MYO3A: variants seen among roughly 807,000 people sequenced by gnomAD.
MYO3A encodes the protein myosin-IIIa.
MYO3A carries 180 observed loss-of-function variants against 192.7 expected under a neutral mutation model. The ratio of observed to expected loss-of-function variants is 0.93; its 90% CI spans 0.83 to 1.06. The LOEUF (loss-of-function observed/expected upper bound fraction) is 1.06. Ranked by LOEUF, MYO3A falls within the 50% of genes least tolerant of loss-of-function variation. The pLI is 0.00. For synonymous variants in MYO3A, 628 were observed against 645.3 expected (o/e 0.97, Z 0.41); for missense variants, 1,896 against 1,905.0 (o/e 1.00, Z 0.09).
intron 19 of MYO3A, 96 bp from the exon 20 acceptor site, chr10:26,128,295 T>G (rs1456315315): frequency 7.6e-7 from 1 of 1,311,062 alleles, no homozygotes; most frequent in East Asian, 2.3e-5. Context: ...TTATAGTAGT[T>G]TCTTAGCTCA....
At chr10:26,120,555 A>G (rs776695337) in intron 17 of MYO3A, 121 bp from the exon 18 acceptor site, 108 of 1,314,368 alleles carry the variant, frequency 8.2e-5, no homozygotes, top group Non-Finnish European at 1.1e-4. Context: ...TGGCGTCATC[A>G]TAGTCTGTGG....
rs954215618 is a variant in MYO3A at position 26,039,347 on chromosome 10, T to C, written c.953+12815T>C. On this transcript the variant is annotated intron_variant, in intron 10 of 34. Transcript: ENST00000642920. Reference sequence around the variant, plus strand: ...AGTGCTGGGATTACAAAATGTGTAGTTGAATTTGGTTTGGTAGTATTTTGT... The same window carrying C: ...AGTGCTGGGATTACAAAATGTGTAGCTGAATTTGGTTTGGTAGTATTTTGT... 2.6e-5 allele frequency among the ~76,000 whole-genome samples: 4 copies of C among 151,580 alleles called. No homozygotes were observed. In the East Asian group the frequency reaches 7.8e-4, roughly 29 times the overall value.
chr10:26,037,301 T>C (rs1195704809), intron 10 of MYO3A, among the ~76,000 whole-genome samples: 1 of 152,240 alleles, frequency 6.6e-6, no homozygotes, highest in Non-Finnish European at 1.5e-5. Flanking sequence ...TAAATTTATA[T>C]TATTTTGAAT....
intron 4 of MYO3A, among the ~76,000 whole-genome samples, chr10:25,958,312 T>C (rs1478246591): frequency 6.6e-6 from 1 of 152,246 alleles, no homozygotes; most frequent in Non-Finnish European, 1.5e-5. Flanking sequence ...TGCATATGGT[T>C]AGCCAGTTAT....
chr10:26,116,657 A>G (rs1423321960), intron 17 of MYO3A, among the ~76,000 whole-genome samples: 2 of 152,226 alleles, frequency 1.3e-5, no homozygotes, highest in South Asian at 2.1e-4. Context: ...GTTCAGGACT[A>G]TTCTTTGGGG....
intron 23 of MYO3A, among the ~76,000 whole-genome samples, chr10:26,150,029 C>CGTGTGT (rs35589117): frequency 0.043 from 6,406 of 149,450 alleles, 189 homozygotes; most frequent in African/African-American, 0.084. Flanking sequence ...GAATAGTATT[C>CGTGTGT]GTGTGTGTGT....
intron 20 of MYO3A, among the ~76,000 whole-genome samples, chr10:26,137,988 C>T (rs557020429): frequency 1.3e-5 from 2 of 152,254 alleles, no homozygotes; most frequent in East Asian, 3.9e-4. Flanking sequence ...TCTGCTTTTA[C>T]CCTTTGCCTT....
Position 26,125,496 on chromosome 10 carries a change from G to C in MYO3A, c.2002G>C (p.Val668Leu). The change falls in exon 19 of 35, where the codon GTA becomes CTA. Residue 668 changes from valine to leucine, a missense_variant. Val to Leu is a conservative substitution (Grantham distance 32, BLOSUM62 1). Transcript: ENST00000642920. ...AGAAACAATTATACGACCCAATACT[G>C]TAGAAAAAGCTACCGATGTCAGGGA... ...RGETIIRPNT[V>L]EKATDVRDAM... is the part of the protein sequence containing the mutation. The C allele has an allele frequency of 6.2e-7, 1 of 1,614,048 alleles. No homozygotes were observed. The highest frequency in any genetic ancestry group is 8.5e-7 in the Non-Finnish European group (1 of 1,179,942).
At chr10:25,977,205 T>C (rs1804448018) in intron 4 of MYO3A, among the ~76,000 whole-genome samples, 1 of 152,208 alleles carries the variant, frequency 6.6e-6, no homozygotes, top group African/African-American at 2.4e-5. Context: ...TATTTAGTTA[T>C]CAACAGTCTG....
chr10:26,165,743 A>T (rs1482284948), intron 26 of MYO3A: 3 of 377,804 alleles, frequency 7.9e-6, no homozygotes, highest in African/African-American at 2.0e-5. Context: ...TTTAGTGTCC[A>T]GAGAAAGGTA....
At chr10:25,988,370 A>G (rs961475332) in intron 4 of MYO3A, among the ~76,000 whole-genome samples, 7 of 152,166 alleles carry the variant, frequency 4.6e-5, no homozygotes, top group African/African-American at 1.7e-4. Flanking sequence ...AAATTTAAAA[A>G]AAATTTAAAT....
chr10:26,145,477 C>T lies in MYO3A; in HGVS notation c.2448C>T (p.Tyr816=). Residue 816 remains tyrosine (Y), a synonymous_variant, in exon 22 of 35, where the codon TAC becomes TAT. Transcript: ENST00000642920. ...TTGAAGGTAACCTGAAATCACAATA[C>T]TTCTGGAGACCCAAAAGAATGGAAC... ...EKFEGNLKSQ[Y]FWRPKRMELS... 6.2e-7 allele frequency: 1 copy of T among 1,609,706 alleles called. No homozygotes were observed. The highest frequency in any genetic ancestry group is 2.2e-5 in the East Asian group (1 of 44,790).
intron 14 of MYO3A, among the ~76,000 whole-genome samples, chr10:26,071,390 G>A (rs4378287): frequency 0.48 from 72,182 of 151,938 alleles, 17,944 homozygotes; most frequent in Middle Eastern, 0.59. Context: ...TTAACTCAAA[G>A]TGGATCATAG....
chr10:26,120,597 C>T (rs1409840813), intron 17 of MYO3A, 79 bp from the exon 18 acceptor site: 3 of 1,592,352 alleles, frequency 1.9e-6, no homozygotes, highest in Non-Finnish European at 2.6e-6. Flanking sequence ...GGTTCTCTTC[C>T]AGTCTGTCCC....
At chr10:26,117,388 C>T (rs563419923) in intron 17 of MYO3A, among the ~76,000 whole-genome samples, 5 of 152,178 alleles carry the variant, frequency 3.3e-5, no homozygotes, top group East Asian at 1.9e-4. Context: ...ACGTGTGTCA[C>T]GGGGGTTTGT....
At position 26,090,988 on chromosome 10, in the gene MYO3A, A is replaced by G. The variant is rs533245047; in HGVS notation, c.1562+2583A>G. Among the ~76,000 whole-genome samples the G allele has an allele frequency of 1.2e-4, 19 of 152,346 alleles. No homozygotes were observed. The South Asian group carries it at 3.9e-3, about 32-fold the overall frequency. On this transcript the variant is annotated intron_variant, in intron 15 of 34. Coordinates refer to ENST00000642920, the MANE Select transcript of MYO3A (RefSeq NM_017433.5). ...CCTAATGGGACACAGCCAGTCAGGG[A>G]GAGAGCAAGGGGATAACATCCCAGC... is the stretch of plus-strand genomic sequence containing the variant.
chr10:26,172,327 C>T (rs1842091093), intron 29 of MYO3A, among the ~76,000 whole-genome samples: 2 of 152,338 alleles, frequency 1.3e-5, no homozygotes, highest in Non-Finnish European at 1.5e-5. Context: ...AGGCCCAGGC[C>T]GGCAGGGCTC....
intron 14 of MYO3A, among the ~76,000 whole-genome samples, chr10:26,081,972 C>T (rs187076698): frequency 5.1e-4 from 78 of 152,276 alleles, no homozygotes; most frequent in African/African-American, 1.8e-3. Flanking sequence ...ATCTATGGGT[C>T]CTCTTGAGAT....
chr10:26,057,830 T>A (rs1387055658), intron 10 of MYO3A, among the ~76,000 whole-genome samples: 1 of 152,224 alleles, frequency 6.6e-6, no homozygotes, highest in African/African-American at 2.4e-5. Flanking sequence ...TCAACTTTAT[T>A]TTTAAGAGCA....
Sources: gnomAD v4.1 joint callset for allele counts (sites outside exome capture counted in the v4.1 genomes callset) on GRCh38, gnomAD v4.1.1 for gene constraint, MANE v1.5 for transcripts, NCBI Gene and HGNC (gene_info 2026-07-23, HGNC 2026-07-21) for gene names.